The following LFNG variants were observed in gnomAD, a reference collection of about 807,000 sequenced individuals.
LFNG encodes LFNG O-fucosylpeptide 3-beta-N-acetylglucosaminyltransferase.
Under a neutral mutation model 32.7 loss-of-function variants are expected in LFNG, and 15 were observed. That is an observed-to-expected ratio of 0.46 (90% CI 0.31 to 0.71). The LOEUF (loss-of-function observed/expected upper bound fraction) is 0.71, where lower values mean the gene tolerates loss of function less well. Among genes scored for constraint, LFNG ranks in the 30% least tolerant of loss-of-function variants. The pLI is 0.06. For missense variants in LFNG, 520 were observed against 545.7 expected (o/e 0.95, Z 0.47); for synonymous variants, 274 against 246.8 (o/e 1.11, Z -1.03).
upstream of LFNG, chr7:2,513,133 T>A (rs1779531267): frequency 6.2e-7 from 1 of 1,612,264 alleles, no homozygotes; most frequent in Non-Finnish European, 8.5e-7. Context: ...CCCTGTTGAA[T>A]CCTCACCTAC....
chr7:2,526,685 C>T lies in LFNG; in HGVS notation c.988-151C>T, dbSNP rs1244333862. ...CCCCAGCTGGTCCCCAGTTTGGGAC[C>T]TTATTCCTGGGGTGTGCAGGGCAGG... On this transcript the variant is annotated intron_variant, in intron 6 of 7. Coordinates refer to ENST00000222725, the MANE Select transcript of LFNG (RefSeq NM_001040167.2). The surrounding 1 kb of genome is among the most constrained non-coding windows in gnomAD (Gnocchi z 6.9). 3.9e-6 allele frequency: 3 copies of T among 777,042 alleles called. No homozygotes were observed. The highest frequency in any genetic ancestry group is 2.3e-5 in the Admixed American group (1 of 44,062). The allele number at this position is 777,042 out of a possible 1,614,324, so 48.1% of individuals were successfully genotyped here.
At position 2,526,054 on chromosome 7, in the gene LFNG, C is replaced by T. The variant is rs549869988; in HGVS notation, c.822-190C>T. Reference sequence around the variant, plus strand: ...CCCAGATTCCCTCCACAGAGAGCCACGGAGCACAGGAGCTGTGCAGGGAGT... The same window carrying T: ...CCCAGATTCCCTCCACAGAGAGCCATGGAGCACAGGAGCTGTGCAGGGAGT... On this transcript the variant is annotated intron_variant, in intron 5 of 7. Transcript: ENST00000222725. This position sits in a 1 kb window ranked among gnomAD's most constrained non-coding sequence, Gnocchi z 6.9. 6.6e-5 allele frequency among the ~76,000 whole-genome samples: 10 copies of T among 152,194 alleles called. No individual in the cohort carries two copies. The highest frequency in any genetic ancestry group is 1.9e-4 in the East Asian group (1 of 5,160).
In LFNG at chr7:2,525,819, A is replaced by G. The variant is rs957161076; in HGVS notation, c.821+49A>G. 12 of 1,507,364 alleles carry G rather than the reference A, an allele frequency of 8.0e-6. No individual in the cohort carries two copies. The East Asian group carries it at 2.7e-4, about 34-fold the overall frequency. The allele number at this position is 1,507,364 out of a possible 1,614,324, so 93.4% of individuals were successfully genotyped here. A position where few individuals can be genotyped will look rare whatever the true frequency, so the allele number is the denominator to read the frequency against. ...CCAGCCCGGTCCCAGGCTCCTCGCC[A>G]CTGTGGGGCCTGGCTTAGTTCATCT... On this transcript the variant is annotated intron_variant, in intron 5 of 7. Coordinates refer to ENST00000222725, the MANE Select transcript of LFNG (RefSeq NM_001040167.2).
downstream of LFNG, among the ~76,000 whole-genome samples, chr7:2,528,691 G>A (rs1016340656): frequency 7.2e-5 from 11 of 152,178 alleles, no homozygotes; most frequent in Non-Finnish European, 1.5e-4. Flanking sequence ...ACAGGTCTAG[G>A]ATGCTGGGGG....
intron 1 of LFNG, 30 bp from the exon 2 acceptor site, chr7:2,524,665 G>A (rs1231986595): frequency 1.3e-6 from 2 of 1,566,432 alleles, no homozygotes; most frequent in Non-Finnish European, 8.7e-7. Context: ...ATGAAGGGCT[G>A]CCTGCTGAAG....
At chr7:2,525,844 T>G in intron 5 of LFNG, 74 bp downstream of exon 5, 1 of 1,305,050 alleles carries the variant, frequency 7.7e-7, no homozygotes, top group African/African-American at 1.4e-5. Flanking sequence ...TTAGTTCATC[T>G]TCCCAGCCAT....
chr7:2,524,858 G>A lies in LFNG; in HGVS notation c.481+115G>A, dbSNP rs1330936260. ...GAGGTCACCAAGGGCAGGACAGGGA[G>A]GGCAGTTTACTCATGGGGTTTGCTC... is the stretch of plus-strand genomic sequence containing the variant. On this transcript the variant is annotated intron_variant, in intron 2 of 7. Transcript: ENST00000222725. 3.0e-6 allele frequency: 3 copies of A among 1,000,810 alleles called. No homozygotes were observed. In the African/African-American group the frequency reaches 4.8e-5, roughly 16 times the overall value. The allele number at this position is 1,000,810 out of a possible 1,614,324, so 62.0% of individuals were successfully genotyped here.
chr7:2,513,097 C>T, upstream of LFNG: 3 of 1,577,960 alleles, frequency 1.9e-6, no homozygotes, highest in South Asian at 3.3e-5. Flanking sequence ...CCCTGGGCAC[C>T]TTTGGGCTGG....
In LFNG at chr7:2,520,055, G is replaced by A; in HGVS notation, c.194G>A (p.Gly65Glu). The change falls in exon 1 of 8, where the codon GGG (glycine) becomes GAG (glutamate). Residue 65 changes from glycine (G) to glutamate (E), a missense_variant. Physicochemically the swap from Gly to Glu is moderately conservative, Grantham distance 98 (BLOSUM62 -2). Coordinates refer to ENST00000222725, the MANE Select transcript of LFNG (RefSeq NM_001040167.2). This position sits in a 1 kb window ranked among gnomAD's most constrained non-coding sequence, Gnocchi z 5.0. ...PGLGAAAAAP[G>E]ALVRDVHSLS... Reference sequence around the variant, plus strand: ...CTGGGGGCGGCGGCGGCGGCGCCCGGGGCGCTGGTCCGCGACGTGCACAGT... The same window carrying A: ...CTGGGGGCGGCGGCGGCGGCGCCCGAGGCGCTGGTCCGCGACGTGCACAGT... 1 of 1,140,414 alleles carries A rather than the reference G, an allele frequency of 8.8e-7. No homozygotes were observed. The highest frequency in any genetic ancestry group is 3.4e-5 in the South Asian group (1 of 29,022). 70.6% of individuals were successfully genotyped at this position (1,140,414 alleles called of 1,614,324 possible).
chr7:2,525,882 C>T, intron 5 of LFNG, 112 bp downstream of exon 5: 1 of 918,352 alleles, frequency 1.1e-6, no homozygotes, highest in Non-Finnish European at 1.7e-6. Context: ...CTGTGTGGCA[C>T]TGCCCACTTA....
In LFNG at chr7:2,526,513, G is replaced by A. The variant is rs1005864567; in HGVS notation, c.987+104G>A. ...GTGGGGCACTGTTCTAAACAGGGAG[G>A]CCAGGCAGCACTCCACTGTCAGCCA... is the stretch of plus-strand genomic sequence containing the variant. On this transcript the variant is annotated intron_variant, in intron 6 of 7. Transcript: ENST00000222725. This position sits in a 1 kb window ranked among gnomAD's most constrained non-coding sequence, Gnocchi z 6.9. The A allele has an allele frequency of 1.1e-5, 14 of 1,282,274 alleles. No homozygotes were observed. Among genetic ancestry groups the A allele is most frequent in the African/African-American group, 1.5e-5 (1 of 68,338 alleles). The allele number at this position is 1,282,274 out of a possible 1,614,324, so 79.4% of individuals were successfully genotyped here.
In LFNG at chr7:2,524,752, T is replaced by C; in HGVS notation, c.481+9T>C. On this transcript the variant is annotated intron_variant, in intron 2 of 7. Transcript: ENST00000222725. ...CCTGGCCAGGCACACGGGTGAGCCC[T>C]GGACTTGGGGCGGGAGGGGGCCCAG... is the stretch of plus-strand genomic sequence containing the variant. The C allele has an allele frequency of 6.3e-7, 1 of 1,581,918 alleles. No homozygotes were observed. Among genetic ancestry groups the C allele is most frequent in the Non-Finnish European group, 8.6e-7 (1 of 1,163,754 alleles).
At chr7:2,523,630 G>C (rs915196151) in intron 1 of LFNG, 1 of 152,180 alleles carries the variant, frequency 6.6e-6, no homozygotes, top group Non-Finnish European at 1.5e-5. Context: ...GGCGGGCGCC[G>C]GCGACTCCTG....
At chr7:2,518,555 T>C, upstream of LFNG, 1 of 1,446,190 alleles carries the variant, frequency 6.9e-7, no homozygotes, top group Non-Finnish European at 9.7e-7. Flanking sequence ...CAGGTCTGAA[T>C]GACACCAGGT....
rs1779939967 is a variant in LFNG at position 2,525,489 on chromosome 7, C to T, written c.657C>T (p.His219=). 2.5e-6 allele frequency: 4 copies of T among 1,612,452 alleles called. No individual in the cohort carries two copies. The highest frequency in any genetic ancestry group is 1.7e-4 in the Middle Eastern group (1 of 6,058). Reference sequence around the variant, plus strand: ...TGCGGCTGCTGGCCAGCTACCCGCACACGCGGGACGTCTACGTCGGCAAGC... The same window carrying T: ...TGCGGCTGCTGGCCAGCTACCCGCATACGCGGGACGTCTACGTCGGCAAGC... The part of the protein sequence containing the change: ...ALLRLLASYP[H]TRDVYVGKPS... Residue 219 remains histidine (H), a synonymous_variant, in exon 4 of 8, where the codon CAC becomes CAT. Coordinates refer to ENST00000222725, the MANE Select transcript of LFNG (RefSeq NM_001040167.2).
In LFNG at chr7:2,526,460, G is replaced by T. The variant is rs542121230; in HGVS notation, c.987+51G>T. ...GGACTCCGAGAGCACAGGAAGGGAC[G>T]TGTGGCTGCCGAGAGGGGCGCAGTG... On this transcript the variant is annotated intron_variant, in intron 6 of 7. Coordinates refer to ENST00000222725, the MANE Select transcript of LFNG (RefSeq NM_001040167.2). The surrounding 1 kb of genome is among the most constrained non-coding windows in gnomAD (Gnocchi z 6.9). 6.3e-6 allele frequency: 10 copies of T among 1,592,106 alleles called. No individual in the cohort carries two copies. The highest frequency in any genetic ancestry group is 8.5e-6 in the Non-Finnish European group (10 of 1,173,080).
chr7:2,527,055 G>T lies in LFNG; in HGVS notation c.1074-91G>T, dbSNP rs181353385. On this transcript the variant is annotated intron_variant, in intron 7 of 7. Coordinates refer to ENST00000222725, the MANE Select transcript of LFNG (RefSeq NM_001040167.2). The surrounding 1 kb of genome is among the most constrained non-coding windows in gnomAD (Gnocchi z 4.4). ...GTGTCCCCCGGAGTCCTGCTTGCTC[G>T]GGGTGGGGCCGCCAGTGTTGTGGGA... 4 of 1,460,076 alleles carry T rather than the reference G, an allele frequency of 2.7e-6. No homozygotes were observed. 90.4% of individuals were successfully genotyped at this position (1,460,076 alleles called of 1,614,324 possible).
At chr7:2,521,738 G>T (rs561831977) in intron 1 of LFNG, among the ~76,000 whole-genome samples, 1 of 152,362 alleles carries the variant, frequency 6.6e-6, no homozygotes, top group African/African-American at 2.4e-5. Context: ...AGGGGATGTG[G>T]TCAGAGGGCT....
intron 1 of LFNG, among the ~76,000 whole-genome samples, chr7:2,521,368 C>T (rs913193179): frequency 2.6e-5 from 4 of 152,176 alleles, no homozygotes; most frequent in Non-Finnish European, 4.4e-5. Context: ...TTTTGTTTGG[C>T]GGCCGGGCCG....
Sources: allele counts gnomAD v4.1 joint callset (sites outside exome capture counted in the v4.1 genomes callset), GRCh38; gene constraint gnomAD v4.1.1; non-coding constraint Gnocchi (gnomAD v3.1); transcripts MANE v1.5; gene names NCBI Gene and HGNC (gene_info 2026-07-23, HGNC 2026-07-21).